The following CACNA2D3 variants were observed in gnomAD, a reference collection of about 807,000 sequenced individuals.
The protein encoded by CACNA2D3 is voltage-dependent calcium channel subunit alpha-2/delta-3.
In CACNA2D3, 60 loss-of-function variants were observed where a neutral mutation model predicts 160.6. That is an observed-to-expected ratio of 0.37 (90% CI 0.30 to 0.46). CACNA2D3 has a LOEUF of 0.46. Ranked by LOEUF, CACNA2D3 falls within the 20% of genes least tolerant of loss-of-function variation. CACNA2D3 has a pLI of 1.00. For synonymous variants in CACNA2D3, 558 were observed against 492.9 expected, an observed-to-expected ratio of 1.13 and a Z score of -1.75; for missense variants, 1,205 against 1,365.0, an observed-to-expected ratio of 0.88 and a Z score of 1.85.
At chr3:54,586,308 T>C (rs1403926419) in intron 9 of CACNA2D3, among the ~76,000 whole-genome samples, 2 of 145,500 alleles carry the variant, frequency 1.4e-5, no homozygotes, top group East Asian at 3.9e-4. Flanking sequence ...CAGTGACAGA[T>C]ATGTTGAAAG....
chr3:54,822,781 T>TCCTTCCTTC (rs1246134644), intron 14 of CACNA2D3, among the ~76,000 whole-genome samples: 4 of 83,494 alleles, frequency 4.8e-5, no homozygotes, highest in Non-Finnish European at 9.3e-5. Context: ...TTTCTTTCTT[T>TCCTTCCTTC]CTTTCTTTCC....
At chr3:54,615,546 A>G (rs1030819220) in intron 9 of CACNA2D3, among the ~76,000 whole-genome samples, 15 of 152,256 alleles carry the variant, frequency 9.9e-5, no homozygotes, top group Admixed American at 2.0e-4. Context: ...AGATATCTCA[A>G]TCAATCACAA....
intron 4 of CACNA2D3, among the ~76,000 whole-genome samples, chr3:54,464,657 A>G (rs937163151): frequency 1.3e-5 from 2 of 152,088 alleles, no homozygotes; most frequent in Non-Finnish European, 2.9e-5. Context: ...GAGTGACCCA[A>G]TTTTCCAAGT....
At position 54,739,128 on chromosome 3, in the gene CACNA2D3, GA is replaced by G. The variant is rs112332837; in HGVS notation, c.1168-13461del. Among the ~76,000 whole-genome samples the G allele has an allele frequency of 6.7e-4, 99 of 147,068 alleles. 1 individual carries two copies. The highest frequency in any genetic ancestry group is 2.2e-3 in the African/African-American group (87 of 40,108). On this transcript the variant is annotated intron_variant, in intron 11 of 37. Transcript: ENST00000474759. Reference sequence around the variant, plus strand: ...CCTAGGTGACAGACTGTCTCAATAGGAAAAAAAAAAGACTTGGCAGAGAAGA... The same window carrying G: ...CCTAGGTGACAGACTGTCTCAATAGGAAAAAAAAAGACTTGGCAGAGAAGA...
At chr3:54,933,456 G>A (rs1701256314) in intron 27 of CACNA2D3, among the ~76,000 whole-genome samples, 1 of 152,012 alleles carries the variant, frequency 6.6e-6, no homozygotes, top group Admixed American at 6.6e-5. Flanking sequence ...TCCATCAGTT[G>A]GAAAAGGTAC....
At chr3:54,830,612 G>A (rs760222399) in intron 14 of CACNA2D3, among the ~76,000 whole-genome samples, 19 of 151,724 alleles carry the variant, frequency 1.3e-4, no homozygotes, top group Non-Finnish European at 2.2e-4. Context: ...CCCCCACCAC[G>A]CCCAGCTAAT....
At chr3:54,899,895 A>G in intron 27 of CACNA2D3, 27 bp downstream of exon 27, 2 of 1,517,538 alleles carry the variant, frequency 1.3e-6, no homozygotes, top group Non-Finnish European at 1.8e-6. Flanking sequence ...ATCCATGAAG[A>G]CAAAGTAAGC....
intron 9 of CACNA2D3, among the ~76,000 whole-genome samples, chr3:54,593,415 G>A (rs1212536725): frequency 6.6e-6 from 1 of 151,988 alleles, no homozygotes; most frequent in Non-Finnish European, 1.5e-5. Context: ...CAGTGGAGGG[G>A]AGGGGAGGAG....
chr3:54,911,025 C>G (rs1482725589), intron 27 of CACNA2D3, among the ~76,000 whole-genome samples: 1 of 152,130 alleles, frequency 6.6e-6, no homozygotes, highest in Non-Finnish European at 1.5e-5. Flanking sequence ...GCCACTGTGT[C>G]CTTCAATTTG....
At chr3:54,930,277 C>A (rs1386842575) in intron 27 of CACNA2D3, among the ~76,000 whole-genome samples, 1 of 152,146 alleles carries the variant, frequency 6.6e-6, no homozygotes, top group African/African-American at 2.4e-5. Flanking sequence ...CAAACATATC[C>A]ACTCTCCTGT....
intron 27 of CACNA2D3, among the ~76,000 whole-genome samples, chr3:54,921,270 C>G (rs1364688939): frequency 6.6e-6 from 1 of 152,136 alleles, no homozygotes; most frequent in African/African-American, 2.4e-5. Flanking sequence ...ACTCCCTTGA[C>G]CACGTTGTGC....
chr3:54,987,202 C>G (rs1233741261), intron 30 of CACNA2D3, among the ~76,000 whole-genome samples: 2 of 152,146 alleles, frequency 1.3e-5, no homozygotes, highest in Non-Finnish European at 2.9e-5. Context: ...AGGGTGGATT[C>G]TCAACTGCAG....
intron 9 of CACNA2D3, among the ~76,000 whole-genome samples, chr3:54,610,931 G>A (rs1698738470): frequency 6.6e-6 from 1 of 152,082 alleles, no homozygotes; most frequent in Non-Finnish European, 1.5e-5. Flanking sequence ...ACCCTGCCTG[G>A]ACATTTTTTT....
At chr3:54,782,583 TC>T (rs1702556457) in intron 13 of CACNA2D3, among the ~76,000 whole-genome samples, 2 of 152,192 alleles carry the variant, frequency 1.3e-5, no homozygotes, top group South Asian at 4.2e-4. Flanking sequence ...TGCATGTGTT[TC>T]CCTTCCCAGC....
chr3:54,669,540 C>T (rs2106895397), intron 11 of CACNA2D3, among the ~76,000 whole-genome samples: 1 of 152,198 alleles, frequency 6.6e-6, no homozygotes, highest in South Asian at 2.1e-4. Context: ...TGGTTGCAAA[C>T]TGTAGGAAGT....
intron 13 of CACNA2D3, among the ~76,000 whole-genome samples, chr3:54,802,968 A>G (rs1703029579): frequency 6.6e-6 from 1 of 152,232 alleles, no homozygotes; most frequent in Non-Finnish European, 1.5e-5. Flanking sequence ...GTGGACCTCT[A>G]GCAAACTTCA....
chr3:54,845,582 A>G (rs773969629), intron 16 of CACNA2D3, among the ~76,000 whole-genome samples: 8 of 152,228 alleles, frequency 5.3e-5, no homozygotes, highest in South Asian at 2.1e-4. Context: ...ATTGTAGCCA[A>G]TGGGTGCAGT....
intron 2 of CACNA2D3, among the ~76,000 whole-genome samples, chr3:54,129,224 G>A (rs1699658360): frequency 6.6e-6 from 1 of 152,168 alleles, no homozygotes; most frequent in South Asian, 2.1e-4. Context: ...GCTCACCCTT[G>A]GCAGATTAGG....
intron 17 of CACNA2D3, among the ~76,000 whole-genome samples, chr3:54,863,722 T>TA (rs1274224121): frequency 1.5e-3 from 197 of 135,290 alleles, no homozygotes; most frequent in East Asian, 0.011. Flanking sequence ...TGTTTTTTTT[T>TA]AAAAAAAAAA....
Sources: gnomAD v4.1 joint callset for allele counts (sites outside exome capture counted in the v4.1 genomes callset) on GRCh38, gnomAD v4.1.1 for gene constraint, MANE v1.5 for transcripts, NCBI Gene and HGNC (gene_info 2026-07-23, HGNC 2026-07-21) for gene names.